CD47: variants seen among roughly 807,000 people sequenced by gnomAD.
CD47 encodes CD47 molecule, also known as leukocyte surface antigen CD47.
CD47 carries 11 observed loss-of-function variants against 44.6 expected under a neutral mutation model. That is an observed-to-expected ratio of 0.25 (90% CI 0.16 to 0.41). The LOEUF (loss-of-function observed/expected upper bound fraction) is 0.41. Among genes scored for constraint, CD47 ranks in the 10% least tolerant of loss-of-function variants. The pLI is 1.00. For missense variants in CD47, 306 were observed against 386.7 expected (o/e 0.79, Z 1.75); for synonymous variants, 140 against 136.3 (o/e 1.03, Z -0.19).
intron 1 of CD47, among the ~76,000 whole-genome samples, chr3:108,084,511 A>G (rs1157576253): frequency 6.6e-6 from 1 of 151,998 alleles, no homozygotes; most frequent in Admixed American, 6.6e-5. Flanking sequence ...CCTGACTCCC[A>G]TGGTTTTCTT....
At chr3:108,048,424 A>G (rs2078760382) in intron 10 of CD47, among the ~76,000 whole-genome samples, 1 of 115,602 alleles carries the variant, frequency 8.7e-6, no homozygotes, top group Non-Finnish European at 1.6e-5. Context: ...TTGCTCTGTC[A>G]CCCAGGCTGG....
intron 9 of CD47, among the ~76,000 whole-genome samples, 191 bp from the exon 10 acceptor site, chr3:108,049,842 T>C (rs2078794724): frequency 1.3e-5 from 2 of 152,178 alleles, no homozygotes; most frequent in Non-Finnish European, 2.9e-5. Flanking sequence ...GAAACAGACT[T>C]AGTTGGGAAA....
intron 1 of CD47, among the ~76,000 whole-genome samples, chr3:108,083,332 A>G (rs2079452900): frequency 6.6e-6 from 1 of 152,108 alleles, no homozygotes; most frequent in South Asian, 2.1e-4. Context: ...ATCATAGTCT[A>G]GAAAAGAGCT....
intron 3 of CD47, among the ~76,000 whole-genome samples, chr3:108,065,285 A>C (rs2079084004): frequency 2.0e-5 from 3 of 152,158 alleles, no homozygotes; most frequent in Admixed American, 2.0e-4. Flanking sequence ...TTCATTATCA[A>C]CTTTCCCTGC....
At chr3:108,068,951 G>A (rs975942884) in intron 3 of CD47, among the ~76,000 whole-genome samples, 1 of 152,052 alleles carries the variant, frequency 6.6e-6, no homozygotes, top group Non-Finnish European at 1.5e-5. Flanking sequence ...TTATAAGCAC[G>A]TTCCTTAAAA....
In CD47 at chr3:108,044,873, G is replaced by A. The variant is rs764425612; in HGVS notation, c.*2415C>T. The A allele has an allele frequency of 6.6e-6, 1 of 152,666 alleles. No individual in the cohort carries two copies. The highest frequency in any genetic ancestry group is 1.5e-5 in the Non-Finnish European group (1 of 68,042). The allele number at this position is 152,666 out of a possible 1,614,324, so 9.5% of individuals were successfully genotyped here. On this transcript the variant is annotated 3_prime_UTR_variant, in exon 11 of 11. Coordinates refer to ENST00000361309, the MANE Select transcript of CD47 (RefSeq NM_001777.4). ...ATAAAACTGAATGGAAGAGTCAACA[G>A]CAGAAACTGGGATCAGGGAGTAAAA...
intron 1 of CD47, among the ~76,000 whole-genome samples, chr3:108,086,948 G>A (rs1224939778): frequency 2.0e-5 from 3 of 152,166 alleles, no homozygotes; most frequent in African/African-American, 7.2e-5. Flanking sequence ...GATGACGGAA[G>A]AGAATGAGAC....
chr3:108,056,068 C>T (rs1005774805), intron 7 of CD47, among the ~76,000 whole-genome samples: 5 of 152,318 alleles, frequency 3.3e-5, no homozygotes, highest in African/African-American at 9.6e-5. Flanking sequence ...CTGCAAATCA[C>T]ACACTATTCT....
rs1290925031 is a variant in CD47, at chr3:108,044,577, G to A, written c.*2711C>T. 1.3e-5 allele frequency: 2 copies of A among 151,984 alleles called. No individual in the cohort carries two copies. The highest frequency in any genetic ancestry group is 1.3e-4 in the Admixed American group (2 of 15,246). 9.4% of individuals were successfully genotyped at this position (151,984 alleles called of 1,614,324 possible). A position where few individuals can be genotyped will look rare whatever the true frequency, so the allele number is the denominator to read the frequency against. Reference sequence around the variant, plus strand: ...TTCTGATGTATGCAAAACACTGCAGGAAGAGAGAATGAAAGAAAGAAAAGC... The same window carrying A: ...TTCTGATGTATGCAAAACACTGCAGAAAGAGAGAATGAAAGAAAGAAAAGC... On this transcript the variant is annotated 3_prime_UTR_variant, in exon 11 of 11. Coordinates refer to ENST00000361309, the MANE Select transcript of CD47 (RefSeq NM_001777.4).
In CD47 at chr3:108,071,444, T is replaced by C. The variant is rs144358948; in HGVS notation, c.401-262A>G. ...TTTTCTTATGTTTCACGGGAGGAGG[T>C]AGTGCAGTGCAGTGGCTGAGAACAA... On this transcript the variant is annotated intron_variant, in intron 2 of 10. Coordinates refer to ENST00000361309, the MANE Select transcript of CD47 (RefSeq NM_001777.4). 1.4e-3 allele frequency among the ~76,000 whole-genome samples: 209 copies of C among 152,306 alleles called. 4 individuals carry two copies. In the East Asian group the frequency reaches 0.027, roughly 19 times the overall value.
intron 2 of CD47, among the ~76,000 whole-genome samples, chr3:108,075,451 C>T (rs1467379741): frequency 1.3e-5 from 2 of 152,194 alleles, no homozygotes; most frequent in Non-Finnish European, 2.9e-5. Flanking sequence ...AGGTTACACA[C>T]ACACACACAC....
chr3:108,048,305 T>TA (rs900304800), intron 10 of CD47, among the ~76,000 whole-genome samples: 1 of 150,898 alleles, frequency 6.6e-6, no homozygotes, highest in African/African-American at 2.4e-5. Flanking sequence ...AAAAGTAGGA[T>TA]CATTCTGTGA....
intron 1 of CD47, among the ~76,000 whole-genome samples, chr3:108,088,633 A>G (rs2079567084): frequency 6.6e-6 from 1 of 152,192 alleles, no homozygotes; most frequent in African/African-American, 2.4e-5. Flanking sequence ...TAAAAAAAAA[A>G]ACAACTCATT....
At chr3:108,062,044 C>G (rs917741806) in intron 3 of CD47, among the ~76,000 whole-genome samples, 6 of 152,020 alleles carry the variant, frequency 3.9e-5, no homozygotes, top group African/African-American at 1.4e-4. Flanking sequence ...CAATTTTAGT[C>G]TCTTTATGGG....
At chr3:108,057,034 G>C (rs2078923627) in intron 7 of CD47, among the ~76,000 whole-genome samples, 1 of 152,108 alleles carries the variant, frequency 6.6e-6, no homozygotes, top group South Asian at 2.1e-4. Flanking sequence ...GCAAGAAAAA[G>C]AGCAAGTGAC....
chr3:108,077,943 G>T (rs2079339796), intron 2 of CD47, among the ~76,000 whole-genome samples: 1 of 152,054 alleles, frequency 6.6e-6, no homozygotes, highest in Non-Finnish European at 1.5e-5. Context: ...GCATGAGGGA[G>T]ATGTTTGTTA....
At chr3:108,050,697 G>C (rs2078811413) in intron 8 of CD47, 95 bp from the exon 9 acceptor site, 1 of 529,542 alleles carries the variant, frequency 1.9e-6, no homozygotes, top group Non-Finnish European at 3.4e-6. Context: ...AAATTACGTA[G>C]TAAGCAGTAA....
intron 5 of CD47, 149 bp downstream of exon 5, chr3:108,059,303 G>A (rs2078971159): frequency 2.4e-6 from 1 of 421,718 alleles, no homozygotes; most frequent in South Asian, 8.3e-5. Flanking sequence ...AATATGAATG[G>A]GAAAATGTCA....
Position 108,048,574 on chromosome 3 carries a change from C to T in CD47, c.967+1045G>A, listed in dbSNP as rs552096505. On this transcript the variant is annotated intron_variant, in intron 10 of 10. Coordinates refer to ENST00000361309, the MANE Select transcript of CD47 (RefSeq NM_001777.4). ...TAATTTTTTGTAGTTTTAGTAGAGA[C>T]GGGGTTTCACCGTGTTAGCCAGGAT... Among the ~76,000 whole-genome samples, 109 of 151,866 alleles carry T rather than the reference C, an allele frequency of 7.2e-4. 1 individual carries two copies. Among genetic ancestry groups the T allele is most frequent in the African/African-American group, 2.4e-3 (101 of 41,430 alleles).
Sources: gnomAD v4.1 joint callset for allele counts (sites outside exome capture counted in the v4.1 genomes callset) on GRCh38, gnomAD v4.1.1 for gene constraint, MANE v1.5 for transcripts, NCBI Gene and HGNC (gene_info 2026-07-23, HGNC 2026-07-21) for gene names.